Variants in ELF2 observed in about 807,000 individuals in gnomAD.
The protein encoded by ELF2 is ETS-related transcription factor Elf-2.
ELF2 carries 11 observed loss-of-function variants against 54.8 expected under a neutral mutation model. The observed-to-expected ratio is 0.20, with a 90% confidence interval of 0.13 to 0.33. ELF2 has a LOEUF of 0.33. Among genes scored for constraint, ELF2 ranks in the 10% least tolerant of loss-of-function variants. The pLI is 1.00. For missense variants in ELF2, 513 were observed against 703.0 expected (o/e 0.73, Z 3.06); for synonymous variants, 203 against 245.1 (o/e 0.83, Z 1.61).
At chr4:139,147,718 C>T in intron 1 of ELF2, among the ~76,000 whole-genome samples, 1 of 151,852 alleles carries the variant, frequency 6.6e-6, no homozygotes, top group East Asian at 1.9e-4. Context: ...TCATGAGTTA[C>T]CTGCCTCGGC....
At chr4:139,089,376 G>A (rs1399411133) in intron 4 of ELF2, among the ~76,000 whole-genome samples, 1 of 152,088 alleles carries the variant, frequency 6.6e-6, no homozygotes, top group African/African-American at 2.4e-5. Context: ...ACCAGAACCT[G>A]CAACTACTCA....
intron 1 of ELF2, among the ~76,000 whole-genome samples, chr4:139,147,541 G>C (rs1739355723): frequency 6.6e-6 from 1 of 152,110 alleles, no homozygotes; most frequent in Admixed American, 6.5e-5. Flanking sequence ...GCGCGATCTC[G>C]GCTCACGGCA....
chr4:139,167,899 T>C (rs562126156), intron 1 of ELF2, among the ~76,000 whole-genome samples: 306 of 152,334 alleles, frequency 2.0e-3, no homozygotes, highest in Non-Finnish European at 2.3e-3. Context: ...GGGAGACTCT[T>C]ACCCCTCTTA....
chr4:139,146,570 G>A (rs1297747215), intron 1 of ELF2, among the ~76,000 whole-genome samples: 1 of 152,072 alleles, frequency 6.6e-6, no homozygotes, highest in Admixed American at 6.6e-5. Flanking sequence ...AATAGCCAAA[G>A]CAATCCTAAA....
At chr4:139,118,415 T>C (rs577875535) in intron 4 of ELF2, among the ~76,000 whole-genome samples, 10 of 152,282 alleles carry the variant, frequency 6.6e-5, no homozygotes, top group African/African-American at 1.9e-4. Flanking sequence ...GAAACTGTCT[T>C]TGAGCAAACA....
chr4:139,125,359 C>A (rs1560839844), intron 3 of ELF2, 30 bp from the exon 4 acceptor site: 1 of 1,596,036 alleles, frequency 6.3e-7, no homozygotes, highest in Non-Finnish European at 8.5e-7. Flanking sequence ...GAACAATCAA[C>A]CTTTGTATTT....
At chr4:139,075,079 C>T (rs62320531) in intron 4 of ELF2, among the ~76,000 whole-genome samples, 244 of 152,264 alleles carry the variant, frequency 1.6e-3, no homozygotes, top group Middle Eastern at 3.4e-3. Flanking sequence ...TAACCTAAGA[C>T]TTTTTCTTAG....
chr4:139,062,141 G>GT (rs1294896279), intron 7 of ELF2, 84 bp from the exon 8 acceptor site: 7 of 1,304,632 alleles, frequency 5.4e-6, no homozygotes, highest in Non-Finnish European at 7.3e-6. Flanking sequence ...GTCCTTCATT[G>GT]TATCATAAAA....
chr4:139,109,740 A>C lies in ELF2; in HGVS notation c.238+15424T>G, dbSNP rs1487823865. On this transcript the variant is annotated intron_variant, in intron 4 of 9. Coordinates refer to ENST00000686138, the MANE Select transcript of ELF2 (RefSeq NM_001331036.3). Reference sequence around the variant, plus strand: ...ACGCACAGACAAAAACCCAAATATCACACTTACAAGTGGGAGCTAAATTTT... The same window carrying C: ...ACGCACAGACAAAAACCCAAATATCCCACTTACAAGTGGGAGCTAAATTTT... 3.3e-5 allele frequency among the ~76,000 whole-genome samples: 5 copies of C among 152,314 alleles called. No individual in the cohort carries two copies. In the East Asian group the frequency reaches 9.6e-4, roughly 29 times the overall value.
At position 139,076,432 on chromosome 4, in the gene ELF2, T is replaced by C. The variant is rs569514118; in HGVS notation, c.239-2865A>G. 2.6e-5 allele frequency among the ~76,000 whole-genome samples: 4 copies of C among 151,806 alleles called. No individual in the cohort carries two copies. In the East Asian group the frequency reaches 7.7e-4, roughly 29 times the overall value. ...AAAGTGCCTCCCTACAATACTCACA[T>C]ACACTAAGAAAAAAAAAAAACCTTC... On this transcript the variant is annotated intron_variant, in intron 4 of 9. Transcript: ENST00000686138.
At chr4:139,071,326 A>C (rs1188391910) in intron 6 of ELF2, among the ~76,000 whole-genome samples, 3 of 151,848 alleles carry the variant, frequency 2.0e-5, no homozygotes, top group African/African-American at 4.8e-5. Context: ...TATATATATC[A>C]CTGTTTATTT....
chr4:139,148,976 C>T (rs529066275), intron 1 of ELF2, among the ~76,000 whole-genome samples: 32 of 152,290 alleles, frequency 2.1e-4, no homozygotes, highest in Non-Finnish European at 4.4e-5. Context: ...TAAAATTCAA[C>T]ATCCTTTTAA....
At chr4:139,143,204 G>A (rs1445827912) in intron 1 of ELF2, among the ~76,000 whole-genome samples, 1 of 152,094 alleles carries the variant, frequency 6.6e-6, no homozygotes, top group Non-Finnish European at 1.5e-5. Context: ...CCAACTCGAG[G>A]GTAGACAGCT....
chr4:139,157,115 A>C (rs1392239084), intron 1 of ELF2, among the ~76,000 whole-genome samples: 1 of 152,190 alleles, frequency 6.6e-6, no homozygotes, highest in East Asian at 1.9e-4. Context: ...GCCTGCCTAC[A>C]CACCTAGGCT....
intron 4 of ELF2, among the ~76,000 whole-genome samples, chr4:139,075,360 G>T (rs765652413): frequency 1.3e-5 from 2 of 152,182 alleles, no homozygotes; most frequent in Non-Finnish European, 1.5e-5. Flanking sequence ...GGTCTGGGGG[G>T]CTAGCTTAAC....
At position 139,156,621 on chromosome 4, in the gene ELF2, T is replaced by TTTG. The variant is rs548285880; in HGVS notation, c.-251-17127_-251-17125dup. Among the ~76,000 whole-genome samples, 294 of 138,056 alleles carry TTTG rather than the reference T, an allele frequency of 2.1e-3. 1 individual carries two copies. Among genetic ancestry groups the TTTG allele is most frequent in the East Asian group, 0.011 (56 of 5,072 alleles). 90.6% of individuals were successfully genotyped at this position (138,056 alleles called of 152,430 possible). ...AGATATATATATATATATTTGTTGTTTTGTTGTTGTTGTTGTTGTTGTTGC... is the reference window on the plus strand; with the variant it reads ...AGATATATATATATATATTTGTTGTTTTGTTGTTGTTGTTGTTGTTGTTGTTGC... On this transcript the variant is annotated intron_variant, in intron 1 of 9. Transcript: ENST00000686138.
intron 4 of ELF2, among the ~76,000 whole-genome samples, chr4:139,094,599 CAG>C (rs1205660255): frequency 7.9e-5 from 12 of 152,200 alleles, no homozygotes; most frequent in African/African-American, 2.4e-4. Context: ...AAGTAGGAAA[CAG>C]AGTAAGATAC....
At chr4:139,171,574 C>G (rs1015027372) in intron 1 of ELF2, among the ~76,000 whole-genome samples, 2 of 151,156 alleles carry the variant, frequency 1.3e-5, no homozygotes, top group Non-Finnish European at 2.9e-5. Flanking sequence ...ATTAAAATCA[C>G]AATGACTCCA....
At chr4:139,144,076 G>C (rs1738977441) in intron 1 of ELF2, among the ~76,000 whole-genome samples, 1 of 152,026 alleles carries the variant, frequency 6.6e-6, no homozygotes, top group Admixed American at 6.6e-5. Flanking sequence ...AAGAAGCAAT[G>C]CAGGAACTTA....
Sources: gnomAD v4.1 joint callset for allele counts (sites outside exome capture counted in the v4.1 genomes callset) on GRCh38, gnomAD v4.1.1 for gene constraint, MANE v1.5 for transcripts, NCBI Gene and HGNC (gene_info 2026-07-23, HGNC 2026-07-21) for gene names.